Variants in GABRG3 observed in about 807,000 individuals in gnomAD.
The protein encoded by GABRG3 is gamma-aminobutyric acid type A receptor subunit gamma3, also known as gamma-aminobutyric acid receptor subunit gamma-3.
In GABRG3, 25 loss-of-function variants were observed where a neutral mutation model predicts 48.8. The ratio of observed to expected loss-of-function variants is 0.51; its 90% CI spans 0.37 to 0.72. The LOEUF is 0.72. Ranked by LOEUF, GABRG3 falls within the 30% of genes least tolerant of loss-of-function variation. The pLI, the probability that GABRG3 is intolerant of heterozygous loss-of-function variation, is 0.00. For missense variants in GABRG3, 394 were observed against 577.9 expected (o/e 0.68, Z 3.26); for synonymous variants, 227 against 217.6 (o/e 1.04, Z -0.38).
intron 3 of GABRG3, among the ~76,000 whole-genome samples, chr15:27,307,122 TA>T (rs1305456692): frequency 8.0e-6 from 1 of 124,230 alleles, no homozygotes; most frequent in African/African-American, 3.7e-5. Context: ...TATATAAACA[TA>T]ATATAAACAT....
intron 2 of GABRG3, among the ~76,000 whole-genome samples, chr15:27,010,286 C>G (rs565893957): frequency 2.4e-4 from 37 of 152,308 alleles, no homozygotes; most frequent in Non-Finnish European, 4.4e-4. Context: ...TGTCCTCTCT[C>G]TGTTTGTGCT....
In GABRG3 at chr15:27,192,371, G is replaced by A. The variant is rs1246620299; in HGVS notation, c.271-134438G>A. ...TCACTTTCAGGTACACCAATCAGAC[G>A]TAGATTTGGTCTTTTCACATAGTCC... On this transcript the variant is annotated intron_variant, in intron 3 of 9. Coordinates refer to ENST00000615808, the MANE Select transcript of GABRG3 (RefSeq NM_033223.5). Among the ~76,000 whole-genome samples the A allele has an allele frequency of 5.3e-5, 8 of 152,172 alleles. No individual in the cohort carries two copies. The East Asian group carries it at 7.7e-4, about 15-fold the overall frequency.
chr15:27,308,452 C>T (rs937074277), intron 3 of GABRG3, among the ~76,000 whole-genome samples: 37 of 141,328 alleles, frequency 2.6e-4, no homozygotes, highest in African/African-American at 8.1e-4. Context: ...TAAACATATG[C>T]AAACATACAT....
At position 27,382,303 on chromosome 15, in the gene GABRG3, G is replaced by A. The variant is rs538629532; in HGVS notation, c.574+53415G>A. On this transcript the variant is annotated intron_variant, in intron 5 of 9. Transcript: ENST00000615808. ...AGCATGTAAAATATACAGTCTACCA[G>A]ATGGAGACAAGAGGTAGGGAGAAAA... 3.3e-5 allele frequency among the ~76,000 whole-genome samples: 5 copies of A among 152,300 alleles called. No homozygotes were observed. In the East Asian group the frequency reaches 9.6e-4, roughly 29 times the overall value.
intron 3 of GABRG3, among the ~76,000 whole-genome samples, chr15:27,238,077 G>A (rs1222843094): frequency 2.6e-5 from 4 of 152,206 alleles, no homozygotes; most frequent in Non-Finnish European, 5.9e-5. Flanking sequence ...CGTTCATACT[G>A]GACCTGGTGT....
chr15:27,121,160 G>A (rs936448661), intron 3 of GABRG3, among the ~76,000 whole-genome samples: 4 of 152,186 alleles, frequency 2.6e-5, no homozygotes, highest in African/African-American at 7.2e-5. Context: ...CACTGCACAC[G>A]TCAGCCCCAT....
intron 3 of GABRG3, among the ~76,000 whole-genome samples, chr15:27,093,632 A>C (rs142290815): frequency 1.2e-3 from 186 of 152,246 alleles, no homozygotes; most frequent in African/African-American, 4.1e-3. Flanking sequence ...AGGCCCTTAA[A>C]ATTTTTATTT....
intron 5 of GABRG3, among the ~76,000 whole-genome samples, chr15:27,398,390 A>G (rs559554056): frequency 2.6e-5 from 4 of 152,204 alleles, no homozygotes; most frequent in Non-Finnish European, 5.9e-5. Flanking sequence ...CTCATGCGAC[A>G]TATTGTACTT....
intron 3 of GABRG3, among the ~76,000 whole-genome samples, chr15:27,104,925 T>A (rs114706228): frequency 0.027 from 4,050 of 152,234 alleles, 174 homozygotes; most frequent in African/African-American, 0.093. Context: ...AACATGTCAA[T>A]AATCACTTTA....
At chr15:27,414,677 T>C (rs887902757) in intron 5 of GABRG3, among the ~76,000 whole-genome samples, 2 of 152,188 alleles carry the variant, frequency 1.3e-5, no homozygotes, top group African/African-American at 4.8e-5. Context: ...GACTAAGTTA[T>C]CTGGCATCAC....
chr15:27,201,841 A>G (rs1011500992), intron 3 of GABRG3, among the ~76,000 whole-genome samples: 2 of 152,244 alleles, frequency 1.3e-5, no homozygotes, highest in Non-Finnish European at 2.9e-5. Flanking sequence ...TTAAAATGAT[A>G]CAGAATATAC....
chr15:27,359,196 T>G (rs1214253583), intron 5 of GABRG3, among the ~76,000 whole-genome samples: 1 of 152,226 alleles, frequency 6.6e-6, no homozygotes, highest in Non-Finnish European at 1.5e-5. Context: ...GCAGGGCGGC[T>G]GAGCTGCCTG....
At chr15:27,286,778 C>T (rs570864951) in intron 3 of GABRG3, among the ~76,000 whole-genome samples, 1 of 152,268 alleles carries the variant, frequency 6.6e-6, no homozygotes, top group African/African-American at 2.4e-5. Flanking sequence ...AGAACAGAAA[C>T]ATGTTATAAT....
chr15:27,465,711 G>A (rs1289984201), intron 5 of GABRG3, among the ~76,000 whole-genome samples: 1 of 152,078 alleles, frequency 6.6e-6, no homozygotes, highest in Admixed American at 6.5e-5. Flanking sequence ...CACTGAGTTT[G>A]CAAATTCACC....
chr15:27,485,130 G>A (rs778616681), intron 6 of GABRG3, among the ~76,000 whole-genome samples: 1 of 152,124 alleles, frequency 6.6e-6, no homozygotes, highest in South Asian at 2.1e-4. Flanking sequence ...CCACGTGATC[G>A]GTGAACATGG....
chr15:27,421,768 A>C (rs1421583315), intron 5 of GABRG3, among the ~76,000 whole-genome samples: 2 of 151,954 alleles, frequency 1.3e-5, no homozygotes, highest in Admixed American at 6.6e-5. Flanking sequence ...TAAGATATCC[A>C]TGGGAGTGGG....
intron 5 of GABRG3, among the ~76,000 whole-genome samples, chr15:27,397,802 AT>A (rs10562407): frequency 0.012 from 1,497 of 122,248 alleles, 11 homozygotes; most frequent in African/African-American, 0.029. Flanking sequence ...TCTCTGAAAA[AT>A]TTTTTTTTTT....
At chr15:27,464,723 C>A (rs1889550979) in intron 5 of GABRG3, among the ~76,000 whole-genome samples, 1 of 152,178 alleles carries the variant, frequency 6.6e-6, no homozygotes, top group Non-Finnish European at 1.5e-5. Flanking sequence ...TGCTAAACAT[C>A]TTTTCATGCA....
chr15:27,466,973 C>T (rs1229720903), intron 5 of GABRG3, among the ~76,000 whole-genome samples: 1 of 152,200 alleles, frequency 6.6e-6, no homozygotes, highest in Non-Finnish European at 1.5e-5. Flanking sequence ...AACATCAACT[C>T]AGTAATGACT....
Sources: allele counts gnomAD v4.1 joint callset (sites outside exome capture counted in the v4.1 genomes callset), GRCh38; gene constraint gnomAD v4.1.1; transcripts MANE v1.5; gene names NCBI Gene and HGNC (gene_info 2026-07-23, HGNC 2026-07-21).